SNAPC3: variants seen among roughly 807,000 people sequenced by gnomAD.
SNAPC3 encodes the protein small nuclear RNA activating complex polypeptide 3, also known as snRNA-activating protein complex subunit 3.
In SNAPC3, 56 loss-of-function variants were observed where a neutral mutation model predicts 47.7. The observed-to-expected ratio is 1.18, with a 90% CI of 0.95 to 1.47. The LOEUF is 1.47. SNAPC3 is among the 40% of genes most tolerant of loss of function. SNAPC3 has a pLI of 0.00. For synonymous variants in SNAPC3, 235 were observed against 189.9 expected, an observed-to-expected ratio of 1.24 and a Z score of -1.95; for missense variants, 665 against 511.3, an observed-to-expected ratio of 1.30 and a Z score of -2.90.
At chr9:15,433,474 G>C (rs1040931098) in intron 2 of SNAPC3, 78 bp from the exon 3 acceptor site, 1 of 893,888 alleles carries the variant, frequency 1.1e-6, no homozygotes, top group African/African-American at 1.7e-5. Flanking sequence ...AAAAAAACTT[G>C]AATGTTAAAT....
downstream of SNAPC3, chr9:15,462,318 G>A (rs1271250490): frequency 6.6e-6 from 1 of 152,168 alleles, no homozygotes; most frequent in African/African-American, 2.4e-5. Context: ...TGGTGAAACT[G>A]AGGAGAAAAG....
At chr9:15,442,576 C>T (rs76606453) in intron 3 of SNAPC3, among the ~76,000 whole-genome samples, 9 of 149,276 alleles carry the variant, frequency 6.0e-5, no homozygotes, top group East Asian at 2.0e-4. Context: ...CCAGACGGGG[C>T]GGCGGGGCAG....
At chr9:15,457,848 A>G in intron 7 of SNAPC3, 112 bp from the exon 8 acceptor site, 1 of 672,898 alleles carries the variant, frequency 1.5e-6, no homozygotes, top group South Asian at 2.0e-5. Context: ...GTAAGCAAAA[A>G]TTGAAAGTAT....
At chr9:15,434,707 A>T (rs372926271) in intron 3 of SNAPC3, among the ~76,000 whole-genome samples, 1 of 152,098 alleles carries the variant, frequency 6.6e-6, no homozygotes, top group East Asian at 1.9e-4. Flanking sequence ...CACCCAGCCT[A>T]TGGCATATTT....
At chr9:15,462,486 CTTTTCTTTA>C (rs2035288909), downstream of SNAPC3, 1 of 152,174 alleles carries the variant, frequency 6.6e-6, no homozygotes. Context: ...TTCGAGGCAG[CTTTTCTTTA>C]TGCTTATTTC....
chr9:15,461,702 G>A (rs192781135), downstream of SNAPC3: 7 of 152,244 alleles, frequency 4.6e-5, no homozygotes, highest in East Asian at 3.9e-4. Flanking sequence ...GAAAACTGAC[G>A]AAACCTATAA....
At chr9:15,466,378 CAAAG>C (rs1159583099), downstream of SNAPC3, among the ~76,000 whole-genome samples, 5 of 149,728 alleles carry the variant, frequency 3.3e-5, no homozygotes, top group East Asian at 5.8e-4. Context: ...AACTCTGTCT[CAAAG>C]AAAAAACAAC....
At chr9:15,433,388 G>T (rs548921491) in intron 2 of SNAPC3, among the ~76,000 whole-genome samples, 164 bp from the exon 3 acceptor site, 77 of 152,268 alleles carry the variant, frequency 5.1e-4, no homozygotes, top group African/African-American at 1.5e-3. Flanking sequence ...CAAGTAAGAT[G>T]TTGACATAAG....
chr9:15,443,000 C>T (rs555780720), intron 3 of SNAPC3, among the ~76,000 whole-genome samples: 20 of 152,324 alleles, frequency 1.3e-4, no homozygotes, highest in Non-Finnish European at 2.2e-4. Context: ...GAAACCCCGT[C>T]TCCACCAAAA....
Position 15,459,764 on chromosome 9 carries a change from CTTT to C in SNAPC3, c.1136_1138del (p.Phe379del). ...GTTTTGCACCAGAGGACCCATGCTT[CTTT>C]TGTGATGTTTGCTTCCGAATGCTGC... On this transcript the variant is annotated inframe_deletion, in exon 9 of 9. Coordinates refer to ENST00000380821, the MANE Select transcript of SNAPC3 (RefSeq NM_001039697.2). 3.1e-6 allele frequency: 5 copies of C among 1,613,686 alleles called. No individual in the cohort carries two copies. The highest frequency in any genetic ancestry group is 4.2e-6 in the Non-Finnish European group (5 of 1,179,774).
At chr9:15,448,790 G>C (rs1035491776) in intron 5 of SNAPC3, among the ~76,000 whole-genome samples, 1 of 152,096 alleles carries the variant, frequency 6.6e-6, no homozygotes, top group Non-Finnish European at 1.5e-5. Flanking sequence ...AATTTTACGC[G>C]GAGCAGGAAA....
chr9:15,438,604 C>T (rs946750404), intron 3 of SNAPC3, among the ~76,000 whole-genome samples: 1 of 152,016 alleles, frequency 6.6e-6, no homozygotes, highest in Admixed American at 6.6e-5. Flanking sequence ...ACTCTTTTTA[C>T]TATATCTCCC....
intron 3 of SNAPC3, among the ~76,000 whole-genome samples, chr9:15,442,284 C>T (rs1329602279): frequency 4.7e-5 from 7 of 149,296 alleles, no homozygotes; most frequent in Non-Finnish European, 7.5e-5. Flanking sequence ...GGCGGCTGGC[C>T]GGGCGGGGGC....
intron 3 of SNAPC3, among the ~76,000 whole-genome samples, chr9:15,440,383 C>T (rs2033215969): frequency 6.6e-6 from 1 of 152,138 alleles, no homozygotes; most frequent in Non-Finnish European, 1.5e-5. Flanking sequence ...GTAATTAATT[C>T]CCCTAGCTTT....
rs1182820527 is a variant in SNAPC3, at chr9:15,461,455, C to T, written c.*1589C>T. The T allele has an allele frequency of 1.3e-5, 2 of 152,172 alleles. No homozygotes were observed. The highest frequency in any genetic ancestry group is 4.8e-5 in the African/African-American group (2 of 41,424). The allele number at this position is 152,172 out of a possible 1,614,324, so 9.4% of individuals were successfully genotyped here. On this transcript the variant is annotated 3_prime_UTR_variant, in exon 9 of 9. Coordinates refer to ENST00000380821, the MANE Select transcript of SNAPC3 (RefSeq NM_001039697.2). ...GCGATTACAGGCATGAACCACAGCG[C>T]CCAGCAAAATAAACTTTCTTTATTT...
rs539087062 is a variant in SNAPC3, at chr9:15,459,661, C to T, written c.1089-58C>T. 4.8e-4 allele frequency: 663 copies of T among 1,393,284 alleles called. 12 individuals are homozygous for T. In the South Asian group the frequency reaches 7.7e-3, roughly 16 times the overall value. The allele number at this position is 1,393,284 out of a possible 1,614,324, so 86.3% of individuals were successfully genotyped here. On this transcript the variant is annotated intron_variant, in intron 8 of 8. Transcript: ENST00000380821. ...TTACATATTGCTACAGGTCATAAAG[C>T]ATGTTAAGTATGGCAAATTTGATTG...
At chr9:15,443,140 C>T (rs984642472) in intron 3 of SNAPC3, among the ~76,000 whole-genome samples, 19 of 152,214 alleles carry the variant, frequency 1.2e-4, no homozygotes, top group African/African-American at 2.9e-4. Flanking sequence ...AGCTTTGGCT[C>T]GGCATCAGAG....
intron 3 of SNAPC3, among the ~76,000 whole-genome samples, chr9:15,437,955 G>C (rs2032985514): frequency 6.6e-6 from 1 of 152,108 alleles, no homozygotes; most frequent in East Asian, 1.9e-4. Context: ...TTCCTGTAGT[G>C]TCTTTGTCTC....
chr9:15,451,370 TA>T lies in SNAPC3; in HGVS notation c.787del (p.Arg263AspfsTer8). 1 of 1,552,978 alleles carries T rather than the reference TA, an allele frequency of 6.4e-7. No individual in the cohort carries two copies. The highest frequency in any genetic ancestry group is 8.8e-7 in the Non-Finnish European group (1 of 1,134,514). On this transcript the variant is annotated frameshift_variant, in exon 6 of 9. Transcript: ENST00000380821. LOFTEE classifies it high-confidence loss of function. ...ATTTTGAAGGAACATTTTATAATGA[TA>T]AAAGATACCCAGAATGCAGAGATTT... ...FYFEGTFYND[K>X]RYPECRDLSR...
Sources: gnomAD v4.1 joint callset for allele counts (sites outside exome capture counted in the v4.1 genomes callset) on GRCh38, gnomAD v4.1.1 for gene constraint, MANE v1.5 for transcripts, NCBI Gene and HGNC (gene_info 2026-07-23, HGNC 2026-07-21) for gene names.